CAMTA1: variants seen among roughly 807,000 people sequenced by gnomAD.
CAMTA1 encodes the protein calmodulin-binding transcription activator 1.
Under a neutral mutation model 170.9 loss-of-function variants are expected in CAMTA1, and 27 were observed. The ratio of observed to expected loss-of-function variants is 0.16; its 90% CI spans 0.12 to 0.22. The LOEUF (loss-of-function observed/expected upper bound fraction) is 0.22. Ranked by LOEUF, CAMTA1 falls within the 10% of genes least tolerant of loss-of-function variation. The pLI, the probability that CAMTA1 is intolerant of heterozygous loss-of-function variation, is 1.00. For missense variants in CAMTA1, 1,619 were observed against 2,217.2 expected, an observed-to-expected ratio of 0.73 and a Z score of 5.42; for synonymous variants, 833 against 891.5, an observed-to-expected ratio of 0.93 and a Z score of 1.17.
chr1:7,103,870 CACA>C lies in CAMTA1; in HGVS notation c.302+12502_302+12504del, dbSNP rs1180523023. Among the ~76,000 whole-genome samples, 14 of 104,550 alleles carry C rather than the reference CACA, an allele frequency of 1.3e-4. 1 individual carries two copies. The South Asian group carries it at 4.4e-3, about 33-fold the overall frequency. The allele number at this position is 104,550 out of a possible 152,430, so 68.6% of individuals were successfully genotyped here. ...TACACACAACACACATACACACACA[CACA>C]ACTACACACATGTACACACAACACA... On this transcript the variant is annotated intron_variant, in intron 4 of 22. Transcript: ENST00000303635.
chr1:6,820,198 A>C lies in CAMTA1; in HGVS notation c.63A>C (p.Val21=). 1.2e-6 allele frequency: 2 copies of C among 1,601,936 alleles called. No individual in the cohort carries two copies. Among genetic ancestry groups the C allele is most frequent in the Non-Finnish European group, 1.7e-6 (2 of 1,168,898 alleles). The change falls in exon 2 of 23, where the codon GTA becomes GTC. Residue 21 remains valine (V), a synonymous_variant. Transcript: ENST00000303635. Reference sequence around the variant, plus strand: ...TTCCTTAGAGCGTTTCCCAAAGTGTATTCTGCGGAACTAGCACCTACTGTG... The same window carrying C: ...TTCCTTAGAGCGTTTCCCAAAGTGTCTTCTGCGGAACTAGCACCTACTGTG... ...KTSRKSVSQS[V]FCGTSTYCVL...
Position 6,887,567 on chromosome 1 carries a change from G to C in CAMTA1, c.234+62357G>C. ...TACCCAGATGTCTCCTCCTCTCTCT[G>C]CCTCTGGAAATGGGGCAAATTTTTC... On this transcript the variant is annotated intron_variant, in intron 3 of 22. Coordinates refer to ENST00000303635, the MANE Select transcript of CAMTA1 (RefSeq NM_015215.4). This position sits in a 1 kb window ranked among gnomAD's most constrained non-coding sequence, Gnocchi z 4.1. 1 of 1,517,116 alleles carries C rather than the reference G, an allele frequency of 6.6e-7. No individual in the cohort carries two copies. Among genetic ancestry groups the C allele is most frequent in the Non-Finnish European group, 8.8e-7 (1 of 1,136,600 alleles). The allele number at this position is 1,517,116 out of a possible 1,614,324, so 94.0% of individuals were successfully genotyped here.
At chr1:7,574,678 G>A (rs1012448849) in intron 6 of CAMTA1, among the ~76,000 whole-genome samples, 2 of 152,292 alleles carry the variant, frequency 1.3e-5, no homozygotes, top group South Asian at 2.1e-4. Flanking sequence ...GCTCTGTCCC[G>A]TGCCAAGCCA....
intron 6 of CAMTA1, among the ~76,000 whole-genome samples, chr1:7,545,318 CA>C (rs1346710837): frequency 6.6e-6 from 1 of 152,160 alleles, no homozygotes; most frequent in Non-Finnish European, 1.5e-5. Context: ...TGCAACAAAA[CA>C]TTTTCTCTGA....
At chr1:6,879,692 A>T (rs1484719033) in intron 3 of CAMTA1, among the ~76,000 whole-genome samples, 1 of 148,900 alleles carries the variant, frequency 6.7e-6, no homozygotes, top group Non-Finnish European at 1.5e-5. Context: ...GCAGTGGCAT[A>T]ATCATGGCTT....
intron 4 of CAMTA1, among the ~76,000 whole-genome samples, chr1:7,135,656 T>C (rs1175564773): frequency 2.6e-5 from 4 of 152,208 alleles, no homozygotes; most frequent in Non-Finnish European, 5.9e-5. Context: ...GCCTCATGCC[T>C]TCAAGCTTCT....
chr1:7,214,030 C>T (rs903531649), intron 4 of CAMTA1, among the ~76,000 whole-genome samples: 1 of 152,144 alleles, frequency 6.6e-6, no homozygotes, highest in Non-Finnish European at 1.5e-5. Flanking sequence ...TGGGTTGGTT[C>T]CAAGTCTTTG....
At chr1:7,528,833 G>T (rs1305725601) in intron 6 of CAMTA1, among the ~76,000 whole-genome samples, 3 of 151,012 alleles carry the variant, frequency 2.0e-5, no homozygotes, top group African/African-American at 7.3e-5. Context: ...ATGAATGAAT[G>T]AATGAAGTGA....
chr1:7,566,713 G>C (rs2095047300), intron 6 of CAMTA1, among the ~76,000 whole-genome samples: 1 of 152,162 alleles, frequency 6.6e-6, no homozygotes, highest in African/African-American at 2.4e-5. Context: ...CACTTAGAAG[G>C]CTCTCTCAGC....
intron 5 of CAMTA1, among the ~76,000 whole-genome samples, chr1:7,444,380 C>T (rs749701077): frequency 2.0e-5 from 3 of 152,174 alleles, no homozygotes; most frequent in African/African-American, 4.8e-5. Flanking sequence ...GCTTCTGCCA[C>T]GTGATGGGCT....
At chr1:7,082,084 A>C (rs763193968) in intron 3 of CAMTA1, among the ~76,000 whole-genome samples, 28 of 152,094 alleles carry the variant, frequency 1.8e-4, no homozygotes, top group Non-Finnish European at 4.0e-4. Context: ...CTGGGCTGTA[A>C]TCATGGTCTC....
At chr1:7,003,120 A>G (rs751212593) in intron 3 of CAMTA1, among the ~76,000 whole-genome samples, 1 of 152,246 alleles carries the variant, frequency 6.6e-6, no homozygotes, top group African/African-American at 2.4e-5. Flanking sequence ...TGTGCGCACC[A>G]GATGCCAGGA....
At chr1:7,507,630 A>T (rs1018800397) in intron 6 of CAMTA1, among the ~76,000 whole-genome samples, 1 of 152,216 alleles carries the variant, frequency 6.6e-6, no homozygotes, top group African/African-American at 2.4e-5. Flanking sequence ...TGCAGGAAGG[A>T]GGGAGGCAGG....
At chr1:7,147,002 GCACT>G (rs1558165718) in intron 4 of CAMTA1, among the ~76,000 whole-genome samples, 3 of 150,392 alleles carry the variant, frequency 2.0e-5, no homozygotes, top group Non-Finnish European at 4.4e-5. Flanking sequence ...ACGCACACAC[GCACT>G]CAAACATGCA....
rs1574064068 is a variant in CAMTA1 at position 7,231,439 on chromosome 1, C to G, written c.303-18052C>G. Among the ~76,000 whole-genome samples the G allele has an allele frequency of 3.3e-5, 5 of 151,980 alleles. No individual in the cohort carries two copies. In the East Asian group the frequency reaches 9.7e-4, roughly 29 times the overall value. ...CTGGAGTGCAGTGGCATGATCTCGT[C>G]TCGGCTCACTGCAACCTCTGCCTCC... On this transcript the variant is annotated intron_variant, in intron 4 of 22. Coordinates refer to ENST00000303635, the MANE Select transcript of CAMTA1 (RefSeq NM_015215.4).
Position 6,990,831 on chromosome 1 carries a change from A to ATG in CAMTA1, c.235-100461_235-100460dup, listed in dbSNP as rs1245286844. Among the ~76,000 whole-genome samples the ATG allele has an allele frequency of 2.7e-3, 403 of 150,164 alleles. 7 individuals carry two copies. The highest frequency in any genetic ancestry group is 0.018 in the Admixed American group (264 of 15,048). Reference sequence around the variant, plus strand: ...TATATATATATATATTTATATATATATGTGTGTGTGTGTTTTAATCTCAAT... The same window carrying ATG: ...TATATATATATATATTTATATATATATGTGTGTGTGTGTGTTTTAATCTCAAT... On this transcript the variant is annotated intron_variant, in intron 3 of 22. Transcript: ENST00000303635.
At chr1:7,523,544 TA>T (rs1262656045) in intron 6 of CAMTA1, among the ~76,000 whole-genome samples, 1 of 152,236 alleles carries the variant, frequency 6.6e-6, no homozygotes, top group Non-Finnish European at 1.5e-5. Context: ...TCATTTTCAG[TA>T]TACAAATTCT....
intron 4 of CAMTA1, among the ~76,000 whole-genome samples, chr1:7,210,401 G>A (rs1459879961): frequency 6.6e-6 from 1 of 152,168 alleles, no homozygotes; most frequent in Admixed American, 6.5e-5. Context: ...CCACAGAAGC[G>A]ACATTGGGTT....
rs573934533 is a variant in CAMTA1, at chr1:7,654,946, A to G, written c.665-6780A>G. Among the ~76,000 whole-genome samples the G allele has an allele frequency of 2.8e-5, 4 of 145,092 alleles. No individual in the cohort carries two copies. The South Asian group carries it at 6.6e-4, about 24-fold the overall frequency. On this transcript the variant is annotated intron_variant, in intron 7 of 22. Transcript: ENST00000303635. The stretch of plus-strand genomic sequence containing the variant: ...TCTATACACACACAAGCACACACCT[A>G]TACACACACAAACACACCCACCTAT...
Sources: gnomAD v4.1 joint callset for allele counts (sites outside exome capture counted in the v4.1 genomes callset) on GRCh38, gnomAD v4.1.1 for gene constraint, Gnocchi (gnomAD v3.1) non-coding constraint, MANE v1.5 for transcripts, NCBI Gene and HGNC (gene_info 2026-07-23, HGNC 2026-07-21) for gene names.